GJB1: variants seen among roughly 807,000 people sequenced by gnomAD.
GJB1 encodes the protein gap junction protein beta 1.
A neutral mutation model predicts 12.0 loss-of-function variants in GJB1; 1 was observed. The ratio of observed to expected loss-of-function variants is 0.08; its 90% confidence interval spans 0.03 to 0.40. The LOEUF (loss-of-function observed/expected upper bound fraction) is 0.40. Ranked by LOEUF, GJB1 falls within the 10% of genes least tolerant of loss-of-function variation. The pLI is 0.98. For synonymous variants in GJB1, 114 were observed against 102.8 expected (o/e 1.11, Z -0.66); for missense variants, 140 against 250.3 (o/e 0.56, Z 2.97).
At position 71,225,241 on chromosome X, in the gene GJB1, A is replaced by T. The variant is rs769533768; in HGVS notation, c.*682A>T. Reference sequence around the variant, plus strand: ...TGTTTGTCAAGTTCTTTCTCCTGCAACCTCTGACCTCCCCCAGGATGAGCT... The same window carrying T: ...TGTTTGTCAAGTTCTTTCTCCTGCATCCTCTGACCTCCCCCAGGATGAGCT... On this transcript the variant is annotated 3_prime_UTR_variant, in exon 2 of 2. Coordinates refer to ENST00000361726, the MANE Select transcript of GJB1 (RefSeq NM_000166.6). 1 of 123,419 alleles carries T rather than the reference A, an allele frequency of 8.1e-6. No homozygotes were observed. Among genetic ancestry groups the T allele is most frequent in the South Asian group, 3.8e-4 (1 of 2,650 alleles). The allele number at this position is 123,419 out of a possible 1,213,427, so 10.2% of individuals were successfully genotyped here.
At chrX:71,219,451 G>A (rs956292476), upstream of GJB1, among the ~76,000 whole-genome samples, 3 of 108,132 alleles carry the variant, frequency 2.8e-5, no homozygotes, top group Admixed American at 1.0e-4. Context: ...TTTAAGAGAC[G>A]GGGGTCTCCA....
chrX:71,218,770 C>A (rs1057034940), upstream of GJB1, among the ~76,000 whole-genome samples: 1 of 104,941 alleles, frequency 9.5e-6, no homozygotes, highest in Non-Finnish European at 1.9e-5. Context: ...CCTGTAGTCC[C>A]AGCTACTCAA....
Position 71,217,474 on chromosome X carries a change from G to T in GJB1, c.-17+2203G>T, listed in dbSNP as rs187722046. On this transcript the variant is annotated intron_variant, in intron 1 of 1. Transcript: ENST00000374029. ...AAATCTGGGGACAGGGCCAGAGCCT[G>T]ACAAGGCCAGAGAAGTCCTGTCTAA... 3.6e-5 allele frequency among the ~76,000 whole-genome samples: 4 copies of T among 111,930 alleles called. No homozygotes were observed. In the East Asian group the frequency reaches 1.1e-3, roughly 32 times the overall value.
Position 71,215,273 on chromosome X carries a change from T to G in GJB1, c.-17+2T>G, listed in dbSNP as rs1242018601. 2 of 111,954 alleles carry G rather than the reference T, an allele frequency of 1.8e-5. No homozygotes were observed. The highest frequency in any genetic ancestry group is 9.6e-5 in the Admixed American group (1 of 10,435). The allele number at this position is 111,954 out of a possible 1,213,427, so 9.2% of individuals were successfully genotyped here. A position where few individuals can be genotyped will look rare whatever the true frequency, so the allele number is the denominator to read the frequency against. On this transcript the variant is annotated splice_donor_variant, in intron 1 of 1. Transcript: ENST00000374029. LOFTEE classifies it low-confidence loss of function (5UTR_SPLICE). ...CTGGGAAAGGGCAGCAGCAGCCAGGTGTGGCAGTGACAGGGAGGTGAGGAG... is the reference window on the plus strand; with the variant it reads ...CTGGGAAAGGGCAGCAGCAGCCAGGGGTGGCAGTGACAGGGAGGTGAGGAG...
At chrX:71,218,794 A>G (rs756825170), upstream of GJB1, among the ~76,000 whole-genome samples, 68 of 95,930 alleles carry the variant, frequency 7.1e-4, no homozygotes, top group South Asian at 3.5e-3. Flanking sequence ...TCTGAGGCAG[A>G]AGAATGGCGT....
upstream of GJB1, among the ~76,000 whole-genome samples, chrX:71,221,045 T>C (rs1481400772): frequency 1.2e-4 from 13 of 108,233 alleles, no homozygotes; most frequent in Admixed American, 3.0e-4. Context: ...TACAGGTGCA[T>C]GCCACTACAC....
upstream of GJB1, chrX:71,223,205 C>CA: frequency 5.5e-6 from 1 of 182,685 alleles, no homozygotes; most frequent in Non-Finnish European, 1.0e-5. Flanking sequence ...TATAAAGCAG[C>CA]ATATGACTCC....
upstream of GJB1, among the ~76,000 whole-genome samples, chrX:71,220,500 GTT>G (rs1271969638): frequency 2.4e-4 from 26 of 106,345 alleles, no homozygotes; most frequent in Non-Finnish European, 4.2e-4. Flanking sequence ...TTGTTTGTTT[GTT>G]TGTTTGTTTG....
Position 71,224,014 on chromosome X carries a change from A to G in GJB1, c.307A>G (p.Lys103Glu), listed in dbSNP as rs1131691322. The change falls in exon 2 of 2, where the codon AAG becomes GAG. Residue 103 changes from lysine to glutamate, a missense_variant. Lys to Glu is a moderately conservative substitution (Grantham distance 56). Around this residue, in one of 4 missense-constraint regions of GJB1, gnomAD observed 49 missense variants for 104.5 expected, o/e 0.47. Coordinates refer to ENST00000361726, the MANE Select transcript of GJB1 (RefSeq NM_000166.6). ...CGTGGCTCACCAGCAACACATAGAG[A>G]AGAAAATGCTACGGCTTGAGGGCCA... ...MHVAHQQHIE[K>E]KMLRLEGHGD... 8.3e-7 allele frequency: 1 copy of G among 1,203,332 alleles called. No individual in the cohort carries two copies. The highest frequency in any genetic ancestry group is 1.1e-6 in the Non-Finnish European group (1 of 890,567).
At chrX:71,216,233 A>G (rs921351643) in intron 1 of GJB1, among the ~76,000 whole-genome samples, 1 of 111,040 alleles carries the variant, frequency 9.0e-6, no homozygotes, top group African/African-American at 3.3e-5. Context: ...GCTGTTGGGA[A>G]TGGCACAGCA....
chrX:71,215,587 C>T (rs1403459100), intron 1 of GJB1, among the ~76,000 whole-genome samples: 5 of 111,968 alleles, frequency 4.5e-5, no homozygotes, highest in Non-Finnish European at 7.5e-5. Flanking sequence ...TTGAGGGACC[C>T]CCTAGGTGCA....
At chrX:71,219,150 CTTATTA>C (rs34964191), upstream of GJB1, among the ~76,000 whole-genome samples, 1,576 of 98,007 alleles carry the variant, frequency 0.016, 18 homozygotes, top group African/African-American at 0.028. Context: ...TTGAGGTGGT[CTTATTA>C]TTATTATTAT....
chrX:71,220,218 G>C (rs151263377), upstream of GJB1, among the ~76,000 whole-genome samples: 368 of 87,979 alleles, frequency 4.2e-3, 5 homozygotes, highest in African/African-American at 0.015. Context: ...ATTTAGTAGA[G>C]ACGGGGTTTC....
upstream of GJB1, among the ~76,000 whole-genome samples, chrX:71,218,386 T>C (rs2092529388): frequency 1.2e-5 from 1 of 84,249 alleles, no homozygotes; most frequent in South Asian, 6.3e-4. Context: ...TCCCTGTTCC[T>C]TTTTTTTTTT....
intron 1 of GJB1, among the ~76,000 whole-genome samples, chrX:71,217,156 G>A (rs891397383): frequency 5.2e-4 from 57 of 109,563 alleles, no homozygotes; most frequent in African/African-American, 1.8e-3. Flanking sequence ...GCCAGCACAC[G>A]CAGGAAAGTG....
At chrX:71,222,023 T>A (rs1217187657), upstream of GJB1, among the ~76,000 whole-genome samples, 2 of 109,595 alleles carry the variant, frequency 1.8e-5, no homozygotes, top group Non-Finnish European at 3.8e-5. Flanking sequence ...ATACCTGTGG[T>A]CCCAGCTAAT....
At chrX:71,219,217 G>T (rs1450714118), upstream of GJB1, among the ~76,000 whole-genome samples, 1 of 107,108 alleles carries the variant, frequency 9.3e-6, no homozygotes, top group East Asian at 2.9e-4. Flanking sequence ...TGCAGTTGGC[G>T]CAATTGAAGC....
At chrX:71,223,378 G>A in intron 1 of GJB1, 43 bp downstream of exon 1, 1 of 356,845 alleles carries the variant, frequency 2.8e-6, no homozygotes, top group Non-Finnish European at 5.0e-6. Flanking sequence ...TGGAGTTAAG[G>A]AGCTAGGGGA....
chrX:71,222,885 G>A (rs2092540295), upstream of GJB1: 3 of 111,688 alleles, frequency 2.7e-5, no homozygotes, highest in Admixed American at 2.8e-4. Context: ...GTGACCTTAA[G>A]CTTCTGACGG....
Sources: allele counts gnomAD v4.1 joint callset (sites outside exome capture counted in the v4.1 genomes callset), GRCh38; gene constraint gnomAD v4.1.1; regional missense constraint gnomAD v4.1.1; transcripts MANE v1.5; gene names NCBI Gene and HGNC (gene_info 2026-07-23, HGNC 2026-07-21).